NALF1: variants seen among roughly 807,000 people sequenced by gnomAD.
The protein encoded by NALF1 is family with sequence similarity 155 member A.
Under a neutral mutation model 48.4 loss-of-function variants are expected in NALF1, and 3 were observed. That is an observed-to-expected ratio of 0.06 (90% CI 0.03 to 0.16). NALF1 has a LOEUF of 0.16. Among genes scored for constraint, NALF1 ranks in the 10% least tolerant of loss-of-function variants. NALF1 has a pLI of 1.00. For synonymous variants in NALF1, 262 were observed against 245.7 expected (o/e 1.07, Z -0.62); for missense variants, 526 against 571.5 (o/e 0.92, Z 0.81).
chr13:107,288,856 T>C (rs944819116), intron 1 of NALF1, among the ~76,000 whole-genome samples: 1 of 152,202 alleles, frequency 6.6e-6, no homozygotes, highest in Non-Finnish European at 1.5e-5. Flanking sequence ...TTATGTTGGA[T>C]AGAAGCAAGC....
At chr13:107,548,775 C>T (rs937551901) in intron 1 of NALF1, among the ~76,000 whole-genome samples, 1 of 152,008 alleles carries the variant, frequency 6.6e-6, no homozygotes, top group African/African-American at 2.4e-5. Context: ...CTACTTGTAG[C>T]CTGTGAACTT....
intron 1 of NALF1, among the ~76,000 whole-genome samples, chr13:107,504,530 C>A (rs1473972769): frequency 6.6e-6 from 1 of 152,104 alleles, no homozygotes; most frequent in African/African-American, 2.4e-5. Context: ...ACATGATAAA[C>A]CACATATGTA....
intron 1 of NALF1, among the ~76,000 whole-genome samples, chr13:107,592,871 T>C (rs1470614292): frequency 6.6e-6 from 1 of 151,934 alleles, no homozygotes; most frequent in African/African-American, 2.4e-5. Flanking sequence ...CATCTGTTCT[T>C]TCTGGCATCT....
intron 1 of NALF1, among the ~76,000 whole-genome samples, chr13:107,641,803 A>G (rs1229715268): frequency 6.6e-6 from 1 of 152,096 alleles, no homozygotes; most frequent in Non-Finnish European, 1.5e-5. Context: ...CGAGATCAAG[A>G]ATCTAGGGGG....
At chr13:107,292,443 TTC>T (rs1355855027) in intron 1 of NALF1, among the ~76,000 whole-genome samples, 3 of 150,408 alleles carry the variant, frequency 2.0e-5, no homozygotes, top group South Asian at 2.1e-4. Context: ...ACAAAATATT[TTC>T]TGTCTTTATA....
At chr13:107,749,886 C>T (rs1876886247) in intron 1 of NALF1, among the ~76,000 whole-genome samples, 2 of 151,934 alleles carry the variant, frequency 1.3e-5, no homozygotes, top group South Asian at 4.1e-4. Context: ...GTGGTGAGAT[C>T]TTGGCTCACT....
rs1878647098 is a variant in NALF1 at position 107,165,907 on chromosome 13, GC to G, written c.*4589del. ...GATATGGTTTTTAAATGACCATGCT[GC>G]TCTAACTTTGACAAACAAGTAGGAT... On this transcript the variant is annotated 3_prime_UTR_variant, in exon 3 of 3. Coordinates refer to ENST00000375915, the MANE Select transcript of NALF1 (RefSeq NM_001080396.3). 1 of 152,010 alleles carries G rather than the reference GC, an allele frequency of 6.6e-6. No individual in the cohort carries two copies. Among genetic ancestry groups the G allele is most frequent in the Non-Finnish European group, 1.5e-5 (1 of 68,016 alleles). The allele number at this position is 152,010 out of a possible 1,614,324, so 9.4% of individuals were successfully genotyped here. A position where few individuals can be genotyped will look rare whatever the true frequency, so the allele number is the denominator to read the frequency against.
chr13:107,257,637 A>G (rs1401637388), intron 1 of NALF1, among the ~76,000 whole-genome samples: 2 of 152,138 alleles, frequency 1.3e-5, no homozygotes, highest in Non-Finnish European at 2.9e-5. Flanking sequence ...CTATCTGTGA[A>G]GAGGTCAGCG....
intron 1 of NALF1, among the ~76,000 whole-genome samples, chr13:107,814,128 G>C (rs1368204558): frequency 1.3e-5 from 2 of 152,108 alleles, no homozygotes; most frequent in Non-Finnish European, 2.9e-5. Context: ...CTTGTGGCTG[G>C]ACAAGAGTTG....
chr13:107,266,497 C>T (rs111906689), intron 1 of NALF1, among the ~76,000 whole-genome samples: 40 of 152,254 alleles, frequency 2.6e-4, no homozygotes, highest in African/African-American at 8.4e-4. Context: ...GTTATTTTCT[C>T]ACTACTCTTA....
intron 1 of NALF1, among the ~76,000 whole-genome samples, chr13:107,729,539 C>T (rs1278470076): frequency 2.0e-5 from 3 of 151,826 alleles, no homozygotes; most frequent in Admixed American, 6.6e-5. Context: ...TGCAGTGGCG[C>T]GACCTCAGCT....
rs1033325961 is a variant in NALF1 at position 107,835,864 on chromosome 13, G to A, written c.915+29818C>T. Among the ~76,000 whole-genome samples, 5 of 152,208 alleles carry A rather than the reference G, an allele frequency of 3.3e-5. No individual in the cohort carries two copies. The East Asian group carries it at 7.7e-4, about 24-fold the overall frequency. ...GGTTACCATCTTATAGATGAGGATC[G>A]GGGTGAGAGAAGATTAATACATTCC... On this transcript the variant is annotated intron_variant, in intron 1 of 2. Transcript: ENST00000375915.
intron 1 of NALF1, among the ~76,000 whole-genome samples, chr13:107,214,582 A>G (rs1397662551): frequency 1.3e-5 from 2 of 152,138 alleles, no homozygotes; most frequent in East Asian, 3.9e-4. Flanking sequence ...CATCTACCCA[A>G]GAAGCAGCTT....
At chr13:107,705,479 A>G (rs1411462977) in intron 1 of NALF1, among the ~76,000 whole-genome samples, 1 of 149,414 alleles carries the variant, frequency 6.7e-6, no homozygotes, top group Non-Finnish European at 1.5e-5. Context: ...TGAGCTGCAA[A>G]AGGTTCATAT....
chr13:107,774,689 C>T (rs1338986515), intron 1 of NALF1, among the ~76,000 whole-genome samples: 4 of 152,126 alleles, frequency 2.6e-5, no homozygotes, highest in African/African-American at 7.2e-5. Context: ...ATATGCAAAG[C>T]TTCAGTGCTA....
At chr13:107,190,818 T>C (rs1879264675) in intron 2 of NALF1, among the ~76,000 whole-genome samples, 1 of 152,180 alleles carries the variant, frequency 6.6e-6, no homozygotes, top group African/African-American at 2.4e-5. Flanking sequence ...TAAAGTACTA[T>C]AGCAATTTTC....
intron 1 of NALF1, among the ~76,000 whole-genome samples, chr13:107,686,205 G>C (rs989423628): frequency 6.6e-6 from 1 of 152,112 alleles, no homozygotes; most frequent in Non-Finnish European, 1.5e-5. Flanking sequence ...AGCAAGCTGG[G>C]AGTATAGGGG....
At chr13:107,816,735 C>T (rs1387419381) in intron 1 of NALF1, among the ~76,000 whole-genome samples, 3 of 151,950 alleles carry the variant, frequency 2.0e-5, no homozygotes, top group African/African-American at 2.4e-5. Context: ...TGAACTATTG[C>T]GTATTGCATT....
intron 1 of NALF1, among the ~76,000 whole-genome samples, chr13:107,520,433 G>C (rs907271117): frequency 1.3e-5 from 2 of 152,196 alleles, no homozygotes; most frequent in African/African-American, 4.8e-5. Context: ...AGAAAGTAAG[G>C]AGAGGATTGA....
Sources: gnomAD v4.1 joint callset for allele counts (sites outside exome capture counted in the v4.1 genomes callset) on GRCh38, gnomAD v4.1.1 for gene constraint, MANE v1.5 for transcripts, NCBI Gene and HGNC (gene_info 2026-07-23, HGNC 2026-07-21) for gene names.